ARHGEF26: variants seen among roughly 807,000 people sequenced by gnomAD.
The protein encoded by ARHGEF26 is Rho guanine nucleotide exchange factor 26.
ARHGEF26 carries 59 observed loss-of-function variants against 89.4 expected under a neutral mutation model. The ratio of observed to expected loss-of-function variants is 0.66; its 90% CI spans 0.54 to 0.82. The LOEUF is 0.82. Ranked by LOEUF, ARHGEF26 falls within the 40% of genes least tolerant of loss-of-function variation. The probability of loss-of-function intolerance (pLI) is 0.00; values close to 1 mark genes in which losing one functional copy is unlikely to be tolerated. For missense variants in ARHGEF26, 1,234 were observed against 1,085.6 expected (o/e 1.14, Z -1.92); for synonymous variants, 500 against 428.4 (o/e 1.17, Z -2.06).
At chr3:154,131,575 A>G (rs1254006539) in intron 4 of ARHGEF26, among the ~76,000 whole-genome samples, 3 of 152,220 alleles carry the variant, frequency 2.0e-5, no homozygotes, top group Non-Finnish European at 2.9e-5. Flanking sequence ...TTGGCTCTAA[A>G]TGGCTGTCAT....
At chr3:154,121,042 C>T (rs1450853638), upstream of ARHGEF26, 1 of 152,290 alleles carries the variant, frequency 6.6e-6, no homozygotes, top group Admixed American at 6.5e-5. Flanking sequence ...ACAAAGTCTA[C>T]TACGCCGCGC....
intron 11 of ARHGEF26, among the ~76,000 whole-genome samples, chr3:154,237,913 T>C (rs1353451904): frequency 2.6e-5 from 4 of 152,282 alleles, no homozygotes; most frequent in South Asian, 2.1e-4. Context: ...AAAAGAGTAA[T>C]CATAAGGGGC....
At chr3:154,124,372 C>CTTTTTTTTTTTTTTTTTTTTTTTTCTTTT in intron 2 of ARHGEF26, 38 bp from the exon 3 acceptor site, 1 of 1,007,768 alleles carries the variant, frequency 9.9e-7, no homozygotes, top group Non-Finnish European at 1.3e-6. Flanking sequence ...TTTGCTTTTC[C>CTTTTTTTTTTTTTTTTTTTTTTTTCTTTT]TTTTTTTTTT....
chr3:154,203,738 A>AT lies in ARHGEF26; in HGVS notation c.1845+9029dup, dbSNP rs199961289. On this transcript the variant is annotated intron_variant, in intron 9 of 14. Transcript: ENST00000465093. ...CTTTTTCTGCACAATTGAAATGATC[A>AT]TTTTTTTTTGTTCTTCATTTGGTTG... is the stretch of plus-strand genomic sequence containing the variant. Among the ~76,000 whole-genome samples the AT allele has an allele frequency of 6.5e-4, 97 of 148,234 alleles. 1 individual carries two copies. The highest frequency in any genetic ancestry group is 1.1e-3 in the Non-Finnish European group (73 of 66,880).
intron 12 of ARHGEF26, among the ~76,000 whole-genome samples, chr3:154,251,510 A>T (rs749877777): frequency 6.6e-5 from 10 of 152,202 alleles, no homozygotes; most frequent in Non-Finnish European, 1.5e-4. Context: ...TGTTGTAGAG[A>T]TAATGCAGTG....
chr3:154,127,262 A>G (rs1021426357), intron 3 of ARHGEF26, among the ~76,000 whole-genome samples: 3 of 152,224 alleles, frequency 2.0e-5, no homozygotes, highest in Admixed American at 6.5e-5. Flanking sequence ...AAATTTTTGA[A>G]TCTTTTCAAC....
In ARHGEF26 at chr3:154,241,856, T is replaced by C. The variant is rs368056561; in HGVS notation, c.2300+1277T>C. 2.7e-4 allele frequency among the ~76,000 whole-genome samples: 41 copies of C among 152,322 alleles called. 2 individuals are homozygous for C. In the South Asian group the frequency reaches 7.9e-3, roughly 29 times the overall value. On this transcript the variant is annotated intron_variant, in intron 12 of 14. Coordinates refer to ENST00000465093, the MANE Select transcript of ARHGEF26 (RefSeq NM_015595.4). ...GGATGATGGAGAATAATGAATCTTA[T>C]CAGATATTGAGGATGGGGTAGGGGA...
intron 6 of ARHGEF26, among the ~76,000 whole-genome samples, chr3:154,167,643 G>T (rs1259251234): frequency 6.6e-6 from 1 of 152,128 alleles, no homozygotes; most frequent in African/African-American, 2.4e-5. Context: ...TGATCCTTTA[G>T]CTACAATATG....
chr3:154,157,303 A>G (rs1720395195), intron 6 of ARHGEF26, among the ~76,000 whole-genome samples: 1 of 151,992 alleles, frequency 6.6e-6, no homozygotes, highest in South Asian at 2.1e-4. Context: ...GAACACCTCC[A>G]ATGTATTTGC....
chr3:154,207,230 G>A (rs767437281), intron 9 of ARHGEF26, among the ~76,000 whole-genome samples: 17 of 152,098 alleles, frequency 1.1e-4, no homozygotes, highest in Non-Finnish European at 1.9e-4. Context: ...AAAAACAGTC[G>A]TGACAAAAGC....
chr3:154,148,549 C>T (rs1448937010), intron 4 of ARHGEF26, among the ~76,000 whole-genome samples: 1 of 150,112 alleles, frequency 6.7e-6, no homozygotes, highest in East Asian at 2.0e-4. Flanking sequence ...CCAGGTTTTT[C>T]ATTCTCTTCT....
intron 6 of ARHGEF26, among the ~76,000 whole-genome samples, chr3:154,173,700 A>G (rs357479): frequency 0.91 from 138,514 of 152,230 alleles, 63,237 homozygotes; most frequent in East Asian, 1. Flanking sequence ...TATTTTTGCA[A>G]TCTATTGCTT....
chr3:154,217,412 T>A (rs922828550), intron 9 of ARHGEF26, among the ~76,000 whole-genome samples: 1 of 152,042 alleles, frequency 6.6e-6, no homozygotes, highest in African/African-American at 2.4e-5. Context: ...TTTGTTTGAG[T>A]TCATTGTAGA....
At chr3:154,229,522 A>G (rs1330375494) in intron 11 of ARHGEF26, among the ~76,000 whole-genome samples, 2 of 152,246 alleles carry the variant, frequency 1.3e-5, no homozygotes, top group African/African-American at 2.4e-5. Context: ...AGCTTTGACT[A>G]GAAGTTATCT....
Position 154,203,850 on chromosome 3 carries a change from C to CT in ARHGEF26, c.1845+9145dup, listed in dbSNP as rs78946220. On this transcript the variant is annotated intron_variant, in intron 9 of 14. Transcript: ENST00000465093. The stretch of plus-strand genomic sequence containing the variant: ...ATCCCGCTTGGCCATGATAATCTCT[C>CT]TTTTTTTTTTTTTGATAATCTTTCT... 4.6e-3 allele frequency among the ~76,000 whole-genome samples: 650 copies of CT among 141,430 alleles called. 5 individuals are homozygous for CT. The highest frequency in any genetic ancestry group is 9.9e-3 in the African/African-American group (385 of 38,852). 92.8% of individuals were successfully genotyped at this position (141,430 alleles called of 152,430 possible).
rs1420944789 is a variant in ARHGEF26, at chr3:154,122,011, G to C, written c.19G>C (p.Val7Leu). 1.3e-6 allele frequency: 2 copies of C among 1,594,780 alleles called. No individual in the cohort carries two copies. The highest frequency in any genetic ancestry group is 1.7e-6 in the Non-Finnish European group (2 of 1,164,642). ...CCCGGCTATGGACGGCGAGAGCGAG[G>C]TGGATTTTTCTAGCAACAGCATAAC... MDGESE[V>L]DFSSNSITPL... The change falls in exon 2 of 15, where the codon GTG becomes CTG. Residue 7 changes from valine (V) to leucine (L), a missense_variant. Coordinates refer to ENST00000465093, the MANE Select transcript of ARHGEF26 (RefSeq NM_015595.4).
intron 11 of ARHGEF26, among the ~76,000 whole-genome samples, chr3:154,239,253 AGAGAGAGG>A (rs1297620053): frequency 0.019 from 1,296 of 67,528 alleles, 12 homozygotes; most frequent in African/African-American, 0.056. Flanking sequence ...AATGACCGAG[AGAGAGAGG>A]GAGAGAGAGA....
intron 4 of ARHGEF26, among the ~76,000 whole-genome samples, chr3:154,148,110 G>C (rs1054094842): frequency 6.6e-6 from 1 of 152,170 alleles, no homozygotes; most frequent in Non-Finnish European, 1.5e-5. Flanking sequence ...AGAACCTCTA[G>C]AGCCTGTTCT....
Position 154,254,823 on chromosome 3 carries a change from T to TG in ARHGEF26, c.2473+1dup, listed in dbSNP as rs759192740. On this transcript the variant is annotated frameshift_variant and splice_region_variant, in exon 14 of 15. Coordinates refer to ENST00000465093, the MANE Select transcript of ARHGEF26 (RefSeq NM_015595.4). LOFTEE classifies it high-confidence loss of function. ...TCCTCATCTATCAACGTGTCAGCGA[T>TG]GGTGAGTGGGAGCGTTCTTATGGGA... is the stretch of plus-strand genomic sequence containing the variant. The TG allele has an allele frequency of 9.9e-6, 16 of 1,613,262 alleles. No individual in the cohort carries two copies. Among genetic ancestry groups the TG allele is most frequent in the African/African-American group, 1.3e-5 (1 of 74,892 alleles).
Sources: gnomAD v4.1 joint callset for allele counts (sites outside exome capture counted in the v4.1 genomes callset) on GRCh38, gnomAD v4.1.1 for gene constraint, MANE v1.5 for transcripts, NCBI Gene and HGNC (gene_info 2026-07-23, HGNC 2026-07-21) for gene names.